The following PTPRD variants were observed in gnomAD, a reference collection of about 807,000 sequenced individuals.
PTPRD encodes receptor-type tyrosine-protein phosphatase delta.
In PTPRD, 34 loss-of-function variants were observed where a neutral mutation model predicts 214.5. That is an observed-to-expected ratio of 0.16 (90% CI 0.12 to 0.21). PTPRD has a LOEUF of 0.21. Among genes scored for constraint, PTPRD ranks in the 10% least tolerant of loss-of-function variants. The pLI is 1.00. For missense variants in PTPRD, 2,545 were observed against 2,398.7 expected (o/e 1.06, Z -1.27); for synonymous variants, 1,128 against 845.7 (o/e 1.33, Z -5.79).
intron 39 of PTPRD, among the ~76,000 whole-genome samples, chr9:8,353,864 A>ATATGTGTATATATGTGTATATG (rs1564200587): frequency 1.9e-5 from 2 of 102,936 alleles, no homozygotes; most frequent in Non-Finnish European, 3.6e-5. Flanking sequence ...ATGTGTATAT[A>ATATGTGTATATATGTGTATATG]TGTATATATG....
chr9:10,389,916 A>G (rs1247752048), intron 2 of PTPRD, among the ~76,000 whole-genome samples: 1 of 151,832 alleles, frequency 6.6e-6, no homozygotes. Flanking sequence ...ACCATTGCTG[A>G]CAAGGGATAT....
intron 9 of PTPRD, among the ~76,000 whole-genome samples, chr9:9,309,914 T>C (rs959611329): frequency 1.3e-5 from 2 of 152,196 alleles, no homozygotes; most frequent in Non-Finnish European, 2.9e-5. Context: ...CTGCTTGAGG[T>C]GGATCATGGA....
chr9:8,728,081 C>G (rs915806489), intron 12 of PTPRD, among the ~76,000 whole-genome samples: 17 of 151,484 alleles, frequency 1.1e-4, no homozygotes, highest in Non-Finnish European at 1.9e-4. Flanking sequence ...AACCCTGTCT[C>G]TACTAAAAAC....
intron 8 of PTPRD, among the ~76,000 whole-genome samples, chr9:9,461,362 G>C (rs184345754): frequency 5.5e-4 from 83 of 152,078 alleles, no homozygotes; most frequent in African/African-American, 1.8e-3. Flanking sequence ...ATTTTACATA[G>C]AGAAGTTGTC....
Position 9,621,111 on chromosome 9 carries a change from T to G in PTPRD, c.-286-46330A>C, listed in dbSNP as rs555253707. 1.8e-4 allele frequency among the ~76,000 whole-genome samples: 28 copies of G among 152,308 alleles called. No individual in the cohort carries two copies. In the South Asian group the frequency reaches 5.6e-3, roughly 30 times the overall value. ...TCTTAATTAATTCCTGTGGAAGTAC[T>G]CACTGACCAGGCTGTAAGAATACCA... On this transcript the variant is annotated intron_variant, in intron 7 of 45. Transcript: ENST00000381196.
At chr9:8,416,997 T>C (rs1172577076) in intron 35 of PTPRD, among the ~76,000 whole-genome samples, 3 of 152,076 alleles carry the variant, frequency 2.0e-5, no homozygotes, top group Non-Finnish European at 2.9e-5. Flanking sequence ...CTCTAATAGA[T>C]ACGTAAATTA....
chr9:8,806,533 T>C (rs1399496733), intron 11 of PTPRD, among the ~76,000 whole-genome samples: 5 of 152,196 alleles, frequency 3.3e-5, no homozygotes, highest in Non-Finnish European at 7.3e-5. Flanking sequence ...TTGACTTCTA[T>C]GAGTCATGTA....
intron 3 of PTPRD, among the ~76,000 whole-genome samples, chr9:10,162,653 A>G (rs1047275611): frequency 3.4e-5 from 5 of 147,994 alleles, no homozygotes; most frequent in African/African-American, 7.4e-5. Flanking sequence ...ATATATACAC[A>G]TATATACATG....
rs145112898 is a variant in PTPRD, at chr9:9,770,789, A to G, written c.-367-3938T>C. 3.7e-3 allele frequency among the ~76,000 whole-genome samples: 558 copies of G among 152,312 alleles called. 3 individuals carry two copies. Among genetic ancestry groups the G allele is most frequent in the African/African-American group, 0.013 (522 of 41,580 alleles). On this transcript the variant is annotated intron_variant, in intron 5 of 45. Transcript: ENST00000381196. Reference sequence around the variant, plus strand: ...TTCCATAAAACAGTTCATTAATTACAGATGGATTTCTAGAGCCAAAGAAGT... The same window carrying G: ...TTCCATAAAACAGTTCATTAATTACGGATGGATTTCTAGAGCCAAAGAAGT...
intron 5 of PTPRD, among the ~76,000 whole-genome samples, chr9:9,839,770 G>A (rs922626294): frequency 1.3e-5 from 2 of 152,070 alleles, no homozygotes; most frequent in Admixed American, 1.3e-4. Flanking sequence ...AAAGAACAAA[G>A]CTGGAGGCAT....
intron 11 of PTPRD, among the ~76,000 whole-genome samples, chr9:8,964,453 A>G (rs901631665): frequency 1.5e-5 from 2 of 136,946 alleles, no homozygotes; most frequent in African/African-American, 5.0e-5. Flanking sequence ...TCTTTTTGTC[A>G]TTGTTAATCT....
intron 9 of PTPRD, among the ~76,000 whole-genome samples, chr9:9,240,778 T>G (rs1016552391): frequency 6.6e-6 from 1 of 152,188 alleles, no homozygotes; most frequent in Non-Finnish European, 1.5e-5. Flanking sequence ...ATAATTTTGG[T>G]TATTACATTA....
At chr9:10,164,131 A>G (rs1332216681) in intron 3 of PTPRD, among the ~76,000 whole-genome samples, 1 of 151,492 alleles carries the variant, frequency 6.6e-6, no homozygotes, top group Non-Finnish European at 1.5e-5. Context: ...ATCAGTGCAT[A>G]AAAATACCTG....
chr9:8,965,593 C>G (rs1463782329), intron 11 of PTPRD, among the ~76,000 whole-genome samples: 1 of 152,098 alleles, frequency 6.6e-6, no homozygotes, highest in Non-Finnish European at 1.5e-5. Context: ...TAATGCCCTT[C>G]TTTGTCCTTT....
chr9:9,339,016 G>A (rs2045713326), intron 9 of PTPRD, among the ~76,000 whole-genome samples: 1 of 152,114 alleles, frequency 6.6e-6, no homozygotes, highest in South Asian at 2.1e-4. Context: ...AGAATCTAAC[G>A]ACAAATGGTC....
chr9:9,968,742 C>A lies in PTPRD; in HGVS notation c.-471-30132G>T, dbSNP rs553175411. Among the ~76,000 whole-genome samples the A allele has an allele frequency of 2.0e-5, 3 of 152,172 alleles. No homozygotes were observed. The South Asian group carries it at 6.2e-4, about 32-fold the overall frequency. ...TAGGTCACAGAAACAACAACAACAA[C>A]AAAAACCAAACAAACAAAAAATTAG... On this transcript the variant is annotated intron_variant, in intron 4 of 45. Coordinates refer to ENST00000381196, the MANE Select transcript of PTPRD (RefSeq NM_002839.4).
chr9:8,448,236 G>A (rs1477554718), intron 34 of PTPRD, among the ~76,000 whole-genome samples: 1 of 152,118 alleles, frequency 6.6e-6, no homozygotes, highest in Non-Finnish European at 1.5e-5. Flanking sequence ...GCTGAGGTAG[G>A]GGGATCACCT....
intron 14 of PTPRD, among the ~76,000 whole-genome samples, chr9:8,532,520 T>A (rs2139733847): frequency 6.6e-6 from 1 of 152,098 alleles, no homozygotes; most frequent in Non-Finnish European, 1.5e-5. Flanking sequence ...CTAGCAAAAA[T>A]TAACAAATTG....
At chr9:8,874,478 T>C (rs2098357727) in intron 11 of PTPRD, among the ~76,000 whole-genome samples, 1 of 152,172 alleles carries the variant, frequency 6.6e-6, no homozygotes, top group Admixed American at 6.6e-5. Context: ...AGGTCTGTCA[T>C]TGGCCTTCCC....
Sources: gnomAD v4.1 joint callset for allele counts (sites outside exome capture counted in the v4.1 genomes callset) on GRCh38, gnomAD v4.1.1 for gene constraint, MANE v1.5 for transcripts, NCBI Gene and HGNC (gene_info 2026-07-23, HGNC 2026-07-21) for gene names.